The following ZNF793 variants were observed in gnomAD, a reference collection of about 807,000 sequenced individuals.
ZNF793 encodes the protein zinc finger protein 793.
Under a neutral mutation model 12.4 loss-of-function variants are expected in ZNF793, and 5 were observed. The observed-to-expected ratio is 0.40, with a 90% CI of 0.21 to 0.84. The LOEUF is 0.84. ZNF793 is among the 40% of genes least tolerant of loss of function. The pLI, the probability that ZNF793 is intolerant of heterozygous loss-of-function variation, is 0.35. For synonymous variants in ZNF793, 162 were observed against 172.4 expected, an observed-to-expected ratio of 0.94 and a Z score of 0.47; for missense variants, 456 against 495.0, an observed-to-expected ratio of 0.92 and a Z score of 0.75.
intron 3 of ZNF793, among the ~76,000 whole-genome samples, chr19:37,521,222 T>C (rs2147077503): frequency 6.6e-6 from 1 of 152,092 alleles, no homozygotes; most frequent in East Asian, 1.9e-4. Context: ...CTCCTGACCT[T>C]GTGATCTGCC....
In ZNF793 at chr19:37,524,021, G is replaced by A. The variant is rs976904564; in HGVS notation, c.15+567G>A. Among the ~76,000 whole-genome samples, 13 of 151,954 alleles carry A rather than the reference G, an allele frequency of 8.6e-5. No homozygotes were observed. The East Asian group carries it at 1.2e-3, about 14-fold the overall frequency. ...AAAAATTAGTTGGGCATGGTGGTGG[G>A]TGCCTGTAATCCCAGCTACTCGGGA... On this transcript the variant is annotated intron_variant, in intron 5 of 7. Transcript: ENST00000627814.
chr19:37,536,809 A>C, intron 7 of ZNF793, 88 bp from the exon 8 acceptor site: 1 of 1,398,542 alleles, frequency 7.2e-7, no homozygotes, highest in Non-Finnish European at 9.5e-7. Flanking sequence ...CATGTTCTCT[A>C]TTTGTGTGCT....
rs1274788940 is a variant in ZNF793 at position 37,536,890 on chromosome 19, T to G, written c.239-7T>G. The G allele has an allele frequency of 1.9e-6, 3 of 1,589,038 alleles. No homozygotes were observed. Among genetic ancestry groups the G allele is most frequent in the South Asian group, 1.2e-5 (1 of 86,230 alleles). The stretch of plus-strand genomic sequence containing the variant: ...TTCATAAGGATGATTCACTGTACTT[T>G]CTCCAGAAGACATCTGGCGAGTTAA... On this transcript the variant is annotated splice_region_variant and splice_polypyrimidine_tract_variant and intron_variant, in intron 7 of 7. Coordinates refer to ENST00000627814, the MANE Select transcript of ZNF793 (RefSeq NM_001013659.3).
rs1396194330 is a variant in ZNF793, at chr19:37,540,842, C to G, written c.*2963C>G. The G allele has an allele frequency of 6.6e-6, 1 of 151,760 alleles. No homozygotes were observed. The highest frequency in any genetic ancestry group is 2.4e-5 in the African/African-American group (1 of 41,296). The allele number at this position is 151,760 out of a possible 1,614,324, so 9.4% of individuals were successfully genotyped here. ...AAGAAAACATAATTTATATGTACTTCTTTTGGAATTACACTAAATCTCAAT... is the reference window on the plus strand; with the variant it reads ...AAGAAAACATAATTTATATGTACTTGTTTTGGAATTACACTAAATCTCAAT... On this transcript the variant is annotated 3_prime_UTR_variant, in exon 8 of 8. Coordinates refer to ENST00000627814, the MANE Select transcript of ZNF793 (RefSeq NM_001013659.3).
At chr19:37,529,229 T>TG (rs374313938) in intron 5 of ZNF793, among the ~76,000 whole-genome samples, 1 of 152,222 alleles carries the variant, frequency 6.6e-6, no homozygotes, top group Admixed American at 6.5e-5. Context: ...ACAGGCATCA[T>TG]GCAATGTGAA....
intron 7 of ZNF793, 138 bp from the exon 8 acceptor site, chr19:37,536,759 T>C (rs2042507798): frequency 3.3e-6 from 3 of 896,602 alleles, no homozygotes; most frequent in African/African-American, 1.7e-5. Flanking sequence ...TCTTTACTCA[T>C]AGAACACTCT....
Position 37,536,881 on chromosome 19 carries a change from AC to A in ZNF793, c.239-15del. Reference sequence around the variant, plus strand: ...GTATGAAGTTTCATAAGGATGATTCACTGTACTTTCTCCAGAAGACATCTGG... The same window carrying A: ...GTATGAAGTTTCATAAGGATGATTCATGTACTTTCTCCAGAAGACATCTGG... On this transcript the variant is annotated splice_polypyrimidine_tract_variant and intron_variant, in intron 7 of 7. Transcript: ENST00000627814. 4 of 1,583,296 alleles carry A rather than the reference AC, an allele frequency of 2.5e-6. No individual in the cohort carries two copies. Among genetic ancestry groups the A allele is most frequent in the Non-Finnish European group, 3.4e-6 (4 of 1,168,600 alleles).
At chr19:37,514,184 T>C (rs2042313381) in intron 2 of ZNF793, among the ~76,000 whole-genome samples, 1 of 152,124 alleles carries the variant, frequency 6.6e-6, no homozygotes, top group Non-Finnish European at 1.5e-5. Flanking sequence ...TCAGAATACA[T>C]ATGTAAAACT....
intron 2 of ZNF793, among the ~76,000 whole-genome samples, chr19:37,512,601 T>C (rs1483731535): frequency 6.6e-6 from 1 of 152,140 alleles, no homozygotes; most frequent in South Asian, 2.1e-4. Context: ...GATTTTGCTG[T>C]GTGTGTAGAG....
rs2042549641 is a variant in ZNF793 at position 37,541,194 on chromosome 19, A to C, written c.*3315A>C. 6.3e-3 allele frequency: 1 copy of C among 158 alleles called. No individual in the cohort carries two copies. Among genetic ancestry groups the C allele is most frequent in the African/African-American group, 0.023 (1 of 44 alleles). 0.0% of individuals were successfully genotyped at this position (158 alleles called of 1,614,324 possible). On this transcript the variant is annotated 3_prime_UTR_variant, in exon 8 of 8. Transcript: ENST00000627814. ...TAGTTTACTTAAAAAGAATTCTGGAACAGAACCTTTTAATCTTAAAGGAAG... is the reference window on the plus strand; with the variant it reads ...TAGTTTACTTAAAAAGAATTCTGGACCAGAACCTTTTAATCTTAAAGGAAG...
At chr19:37,514,611 T>TAGATAGATAGAC (rs908672263) in intron 2 of ZNF793, among the ~76,000 whole-genome samples, 2 of 144,010 alleles carry the variant, frequency 1.4e-5, no homozygotes, top group Non-Finnish European at 3.0e-5. Flanking sequence ...GATAGATAGA[T>TAGATAGATAGAC]AGACTCTTCC....
At position 37,542,519 on chromosome 19, in the gene ZNF793, T is replaced by C. The variant is rs1345804526; in HGVS notation, c.*4640T>C. The C allele has an allele frequency of 5.5e-6, 2 of 361,510 alleles. No homozygotes were observed. Among genetic ancestry groups the C allele is most frequent in the South Asian group, 4.3e-5 (2 of 46,302 alleles). The allele number at this position is 361,510 out of a possible 1,614,324, so 22.4% of individuals were successfully genotyped here. A position where few individuals can be genotyped will look rare whatever the true frequency, so the allele number is the denominator to read the frequency against. ...ATGAACATGTGAACATGGACATTTA[T>C]TGTAAAAATTGTTCTTAATGGCAAA... On this transcript the variant is annotated 3_prime_UTR_variant, in exon 8 of 8. Coordinates refer to ENST00000627814, the MANE Select transcript of ZNF793 (RefSeq NM_001013659.3).
rs563184282 is a variant in ZNF793, at chr19:37,532,202, C to T, written c.16-154C>T. 1.1e-4 allele frequency: 86 copies of T among 750,368 alleles called. 1 individual carries two copies. The highest frequency in any genetic ancestry group is 7.1e-4 in the South Asian group (41 of 57,636). 46.5% of individuals were successfully genotyped at this position (750,368 alleles called of 1,614,324 possible). Reference sequence around the variant, plus strand: ...TGAATTTTTGTATTTTTAGTATAGACGGGGTTTCACCATGTTTGCCAGGCT... The same window carrying T: ...TGAATTTTTGTATTTTTAGTATAGATGGGGTTTCACCATGTTTGCCAGGCT... On this transcript the variant is annotated intron_variant, in intron 5 of 7. Transcript: ENST00000627814.
chr19:37,534,173 C>T (rs2042484764), intron 7 of ZNF793: 1 of 152,082 alleles, frequency 6.6e-6, no homozygotes, highest in Admixed American at 6.5e-5. Flanking sequence ...CCCGTTTTTC[C>T]AGCTACTCTG....
At chr19:37,532,014 A>ATTTTTTTTTTTTTTT (rs560896331) in intron 5 of ZNF793, among the ~76,000 whole-genome samples, 1 of 141,370 alleles carries the variant, frequency 7.1e-6, no homozygotes, top group Non-Finnish European at 1.6e-5. Flanking sequence ...TCTTGCACAA[A>ATTTTTTTTTTTTTTT]ATTTTTTTTT....
At chr19:37,519,725 ATCTT>A (rs2042360728) in intron 2 of ZNF793, among the ~76,000 whole-genome samples, 1 of 152,232 alleles carries the variant, frequency 6.6e-6, no homozygotes, top group Admixed American at 6.5e-5. Flanking sequence ...TGAGGAAAAT[ATCTT>A]TCTCCATTGG....
chr19:37,507,715 A>G (rs1306054638), intron 1 of ZNF793, among the ~76,000 whole-genome samples: 5 of 152,182 alleles, frequency 3.3e-5, no homozygotes, highest in African/African-American at 9.6e-5. Flanking sequence ...AGAATCAACA[A>G]TTGATCCTCA....
At chr19:37,528,375 C>G (rs2042432771) in intron 5 of ZNF793, among the ~76,000 whole-genome samples, 1 of 151,896 alleles carries the variant, frequency 6.6e-6, no homozygotes, top group Non-Finnish European at 1.5e-5. Flanking sequence ...CTGTTCCCAC[C>G]ACTGACCTCA....
chr19:37,542,508 A>G lies in ZNF793; in HGVS notation c.*4629A>G, dbSNP rs1455542703. The G allele has an allele frequency of 2.7e-6, 1 of 373,648 alleles. No homozygotes were observed. Among genetic ancestry groups the G allele is most frequent in the South Asian group, 2.1e-5 (1 of 48,192 alleles). 23.1% of individuals were successfully genotyped at this position (373,648 alleles called of 1,614,324 possible). On this transcript the variant is annotated 3_prime_UTR_variant, in exon 8 of 8. Coordinates refer to ENST00000627814, the MANE Select transcript of ZNF793 (RefSeq NM_001013659.3). ...ATAAAAGACAGATGAACATGTGAAC[A>G]TGGACATTTATTGTAAAAATTGTTC...
Sources: allele counts gnomAD v4.1 joint callset (sites outside exome capture counted in the v4.1 genomes callset), GRCh38; gene constraint gnomAD v4.1.1; transcripts MANE v1.5; gene names NCBI Gene and HGNC (gene_info 2026-07-23, HGNC 2026-07-21).